The following OPCML variants were observed in gnomAD, a reference collection of about 807,000 sequenced individuals.
OPCML encodes opioid binding protein/cell adhesion molecule like.
In OPCML, 13 loss-of-function variants were observed where a neutral mutation model predicts 37.8. The observed-to-expected ratio is 0.34, with a 90% CI of 0.22 to 0.55. The LOEUF (loss-of-function observed/expected upper bound fraction) is 0.55, where lower values mean the gene tolerates loss of function less well. Ranked by LOEUF, OPCML falls within the 20% of genes least tolerant of loss-of-function variation. The pLI, the probability that OPCML is intolerant of heterozygous loss-of-function variation, is 0.91. For missense variants in OPCML, 341 were observed against 435.6 expected, an observed-to-expected ratio of 0.78 and a Z score of 1.93; for synonymous variants, 176 against 168.8, an observed-to-expected ratio of 1.04 and a Z score of -0.33.
At chr11:132,688,314 T>C (rs959893202) in intron 2 of OPCML, among the ~76,000 whole-genome samples, 3 of 152,198 alleles carry the variant, frequency 2.0e-5, no homozygotes, top group African/African-American at 7.2e-5. Flanking sequence ...CTCATGCTCT[T>C]TGAACCGGCA....
At chr11:133,079,854 C>A (rs1241023597) in intron 1 of OPCML, among the ~76,000 whole-genome samples, 1 of 152,144 alleles carries the variant, frequency 6.6e-6, no homozygotes, top group East Asian at 1.9e-4. Flanking sequence ...GCCTTTTGCT[C>A]CATAATGATG....
At chr11:133,078,128 G>A (rs1233524977) in intron 1 of OPCML, among the ~76,000 whole-genome samples, 2 of 152,174 alleles carry the variant, frequency 1.3e-5, no homozygotes, top group African/African-American at 4.8e-5. Flanking sequence ...CTGCTGCAGT[G>A]TTGTGTAGAG....
chr11:133,172,660 G>T (rs190559746), intron 1 of OPCML, among the ~76,000 whole-genome samples: 1 of 152,258 alleles, frequency 6.6e-6, no homozygotes, highest in East Asian at 1.9e-4. Context: ...CCGACAAGCA[G>T]CAGGAGGAGC....
chr11:132,655,050 G>C (rs2135764237), intron 3 of OPCML, among the ~76,000 whole-genome samples: 1 of 152,330 alleles, frequency 6.6e-6, no homozygotes, highest in East Asian at 1.9e-4. Flanking sequence ...CTCAGCATGT[G>C]TTATGGAGAA....
intron 1 of OPCML, among the ~76,000 whole-genome samples, chr11:133,524,016 GTC>G (rs1948442745): frequency 6.6e-6 from 1 of 152,194 alleles, no homozygotes; most frequent in Non-Finnish European, 1.5e-5. Flanking sequence ...TTTGACGCAT[GTC>G]TGTCTCTCCC....
chr11:132,482,355 C>A (rs1398179314), intron 4 of OPCML, among the ~76,000 whole-genome samples: 1 of 151,730 alleles, frequency 6.6e-6, no homozygotes, highest in Non-Finnish European at 1.5e-5. Flanking sequence ...ATACACTCTC[C>A]CAAGACTAAA....
chr11:132,758,457 G>C (rs187029296), intron 2 of OPCML, among the ~76,000 whole-genome samples: 59 of 152,216 alleles, frequency 3.9e-4, no homozygotes, highest in Admixed American at 6.5e-5. Context: ...TTTTCCGTTT[G>C]TGTCCTCTCT....
At chr11:133,190,645 C>T (rs1193017278) in intron 1 of OPCML, among the ~76,000 whole-genome samples, 1 of 152,140 alleles carries the variant, frequency 6.6e-6, no homozygotes, top group African/African-American at 2.4e-5. Context: ...TCCCCATCTC[C>T]CCAGTTCTAT....
At chr11:133,451,281 A>G (rs894192747) in intron 1 of OPCML, among the ~76,000 whole-genome samples, 1 of 151,816 alleles carries the variant, frequency 6.6e-6, no homozygotes, top group Non-Finnish European at 1.5e-5. Context: ...GCAAACAAAC[A>G]AAAGCAGGGA....
chr11:133,043,627 T>A (rs1407276433), intron 1 of OPCML, among the ~76,000 whole-genome samples: 1 of 152,202 alleles, frequency 6.6e-6, no homozygotes, highest in Non-Finnish European at 1.5e-5. Context: ...ACAAACAGAA[T>A]CAGCCCTTTC....
At chr11:132,633,927 C>A (rs1356752905) in intron 3 of OPCML, among the ~76,000 whole-genome samples, 1 of 152,118 alleles carries the variant, frequency 6.6e-6, no homozygotes, top group South Asian at 2.1e-4. Flanking sequence ...GAAGTCAGGG[C>A]TACAGTGAGA....
chr11:132,863,704 GT>G (rs1430889182), intron 2 of OPCML, among the ~76,000 whole-genome samples: 1 of 152,116 alleles, frequency 6.6e-6, no homozygotes, highest in African/African-American at 2.4e-5. Context: ...AATTTGCCTT[GT>G]TTGACTGAAG....
chr11:133,433,238 C>T (rs1415202507), intron 1 of OPCML, among the ~76,000 whole-genome samples: 3 of 114,886 alleles, frequency 2.6e-5, no homozygotes, highest in Non-Finnish European at 4.6e-5. Flanking sequence ...GGCGACAGAG[C>T]GAGACTCCGT....
chr11:133,376,757 A>T (rs960502217), intron 1 of OPCML, among the ~76,000 whole-genome samples: 1 of 152,226 alleles, frequency 6.6e-6, no homozygotes, highest in Non-Finnish European at 1.5e-5. Context: ...GACAGTTAGT[A>T]AGTCTAGTGG....
At chr11:133,128,292 G>C (rs1949548879) in intron 1 of OPCML, among the ~76,000 whole-genome samples, 1 of 152,168 alleles carries the variant, frequency 6.6e-6, no homozygotes, top group African/African-American at 2.4e-5. Flanking sequence ...CAGATTCATT[G>C]CTCTTCTGAC....
chr11:133,171,252 A>C (rs1488034041), intron 1 of OPCML, among the ~76,000 whole-genome samples: 1 of 152,164 alleles, frequency 6.6e-6, no homozygotes, highest in East Asian at 1.9e-4. Flanking sequence ...TTGTGGGGTC[A>C]TTATCTCTGT....
intron 4 of OPCML, among the ~76,000 whole-genome samples, chr11:132,516,992 G>A (rs1259257182): frequency 1.3e-5 from 2 of 152,016 alleles, no homozygotes; most frequent in Admixed American, 1.3e-4. Context: ...GTTAATCAAT[G>A]ACTCCAGGCC....
chr11:132,666,270 C>G (rs1942211722), intron 2 of OPCML, among the ~76,000 whole-genome samples: 1 of 152,104 alleles, frequency 6.6e-6, no homozygotes, highest in African/African-American at 2.4e-5. Flanking sequence ...CCAATCATAG[C>G]AGAAGGGAAA....
intron 1 of OPCML, among the ~76,000 whole-genome samples, chr11:133,346,941 G>A (rs1364002798): frequency 6.6e-6 from 1 of 152,144 alleles, no homozygotes; most frequent in East Asian, 1.9e-4. Flanking sequence ...CCCTACTGAA[G>A]ACTGACTTTC....
Sources: allele counts gnomAD v4.1 joint callset (sites outside exome capture counted in the v4.1 genomes callset), GRCh38; gene constraint gnomAD v4.1.1; transcripts MANE v1.5; gene names NCBI Gene and HGNC (gene_info 2026-07-23, HGNC 2026-07-21).